Variants in PCDHGB7 observed in about 807,000 individuals in gnomAD.
The protein encoded by PCDHGB7 is protocadherin gamma subfamily B, 7, also known as protocadherin gamma-B7.
Under a neutral mutation model 61.4 loss-of-function variants are expected in PCDHGB7, and 37 were observed. That is an observed-to-expected ratio of 0.60 (90% CI 0.46 to 0.79). PCDHGB7 has a LOEUF of 0.79. Among genes scored for constraint, PCDHGB7 ranks in the 30% least tolerant of loss-of-function variants. The pLI is 0.00. For missense variants in PCDHGB7, 1,166 were observed against 1,202.5 expected (o/e 0.97, Z 0.45); for synonymous variants, 464 against 503.5 (o/e 0.92, Z 1.05).
chr5:141,426,307 A>G (rs958090236), intron 1 of PCDHGB7: 2 of 172,782 alleles, frequency 1.2e-5, no homozygotes, highest in African/African-American at 4.7e-5. Context: ...GGTGAAGCAG[A>G]GAAGCAGGAC....
chr5:141,437,030 A>G (rs1246601314), intron 1 of PCDHGB7, among the ~76,000 whole-genome samples: 1 of 152,248 alleles, frequency 6.6e-6, no homozygotes, highest in Non-Finnish European at 1.5e-5. Context: ...CAGAAAATGG[A>G]TCACCGAAAC....
chr5:141,501,302 C>T (rs886901737), intron 2 of PCDHGB7, among the ~76,000 whole-genome samples: 14 of 151,156 alleles, frequency 9.3e-5, no homozygotes, highest in African/African-American at 2.9e-4. Flanking sequence ...CACACACACA[C>T]ACACACACAC....
At position 141,486,108 on chromosome 5, in the gene PCDHGB7, G is replaced by A. The variant is rs1184123075; in HGVS notation, c.2416-8699G>A. ...CTTTTGGGGCCCCTAGACTTTGAGA[G>A]TGAGAATTACTATGAATTTGATGTG... On this transcript the variant is annotated intron_variant, in intron 1 of 3. Coordinates refer to ENST00000398594, the MANE Select transcript of PCDHGB7 (RefSeq NM_018927.4). The surrounding 1 kb of genome is among the most constrained non-coding windows in gnomAD (Gnocchi z 5.0). 6 of 1,614,206 alleles carry A rather than the reference G, an allele frequency of 3.7e-6. No individual in the cohort carries two copies. Among genetic ancestry groups the A allele is most frequent in the South Asian group, 3.3e-5 (3 of 91,084 alleles).
At chr5:141,478,519 G>A in intron 1 of PCDHGB7, 2 of 1,610,728 alleles carry the variant, frequency 1.2e-6, no homozygotes, top group Non-Finnish European at 1.7e-6. Context: ...GGCAGGTGTT[G>A]GGTGCAGAGA....
In PCDHGB7 at chr5:141,477,116, G is replaced by A. The variant is rs771557201; in HGVS notation, c.2416-17691G>A. ...AGACAAGGGCGCCAATCCCGAAGGA[G>A]CACATTGCAAAGTGTTGGTGGAGGT... On this transcript the variant is annotated intron_variant, in intron 1 of 3. Transcript: ENST00000398594. This position sits in a 1 kb window ranked among gnomAD's most constrained non-coding sequence, Gnocchi z 4.9. 1 of 1,614,252 alleles carries A rather than the reference G, an allele frequency of 6.2e-7. No homozygotes were observed. The highest frequency in any genetic ancestry group is 8.5e-7 in the Non-Finnish European group (1 of 1,180,052).
chr5:141,503,894 T>C (rs898125492), intron 2 of PCDHGB7, among the ~76,000 whole-genome samples: 2 of 152,144 alleles, frequency 1.3e-5, no homozygotes, highest in African/African-American at 4.8e-5. Flanking sequence ...CATGACAAAA[T>C]ATGCACACAC....
At chr5:141,430,986 C>G (rs549700048) in intron 1 of PCDHGB7, 1 of 1,613,762 alleles carries the variant, frequency 6.2e-7, no homozygotes, top group African/African-American at 1.3e-5. Context: ...CAGCTTTTCG[C>G]CCTGAATCCG....
At chr5:141,461,190 T>C (rs2099010725) in intron 1 of PCDHGB7, among the ~76,000 whole-genome samples, 1 of 152,142 alleles carries the variant, frequency 6.6e-6, no homozygotes, top group Non-Finnish European at 1.5e-5. Context: ...TAGATCTGTT[T>C]TTTGCTCTTT....
intron 1 of PCDHGB7, among the ~76,000 whole-genome samples, chr5:141,425,504 T>A (rs1049969153): frequency 2.6e-5 from 4 of 152,260 alleles, no homozygotes; most frequent in Non-Finnish European, 5.9e-5. Flanking sequence ...TACCTTTATA[T>A]TCTCTTTATG....
intron 1 of PCDHGB7, among the ~76,000 whole-genome samples, chr5:141,456,714 C>T (rs1456452530): frequency 6.6e-6 from 1 of 152,176 alleles, no homozygotes; most frequent in Non-Finnish European, 1.5e-5. Flanking sequence ...CCTGTAATCC[C>T]AGCACTTTGG....
chr5:141,478,148 C>T lies in PCDHGB7; in HGVS notation c.2416-16659C>T, dbSNP rs752958567. ...CTCTCCTGAAGCCCGAGCCGAGTTC[C>T]CCTCTGGCTCTGCCCCCCGGGAGCA... On this transcript the variant is annotated intron_variant, in intron 1 of 3. Coordinates refer to ENST00000398594, the MANE Select transcript of PCDHGB7 (RefSeq NM_018927.4). 3.1e-6 allele frequency: 5 copies of T among 1,613,948 alleles called. No homozygotes were observed. The highest frequency in any genetic ancestry group is 1.6e-4 in the Middle Eastern group (1 of 6,082).
chr5:141,446,988 C>T (rs548721486), intron 1 of PCDHGB7, among the ~76,000 whole-genome samples: 1 of 152,154 alleles, frequency 6.6e-6, no homozygotes, highest in Non-Finnish European at 1.5e-5. Flanking sequence ...TCATACTCCA[C>T]TCTTCAGACT....
intron 1 of PCDHGB7, chr5:141,422,741 A>G (rs1319821802): frequency 6.2e-7 from 1 of 1,610,084 alleles, no homozygotes; most frequent in Non-Finnish European, 8.5e-7. Flanking sequence ...CTGTCCTCCT[A>G]TGTCTCTATT....
chr5:141,422,539 C>G, intron 1 of PCDHGB7: 1 of 1,613,994 alleles, frequency 6.2e-7, no homozygotes, highest in Non-Finnish European at 8.5e-7. Flanking sequence ...TGCAGAAACT[C>G]ATGTCTGGCT....
chr5:141,457,798 C>T (rs1233396158), intron 1 of PCDHGB7, among the ~76,000 whole-genome samples: 5 of 152,194 alleles, frequency 3.3e-5, no homozygotes, highest in African/African-American at 9.6e-5. Context: ...GTTATCCTCT[C>T]CTCTTGAGGT....
Position 141,432,147 on chromosome 5 carries a change from A to G in PCDHGB7, c.2415+11873A>G. 6.2e-7 allele frequency: 1 copy of G among 1,614,066 alleles called. No individual in the cohort carries two copies. The highest frequency in any genetic ancestry group is 8.5e-7 in the Non-Finnish European group (1 of 1,179,998). ...GCCTCCTATTCCGCTTATATCCCAG[A>G]GAACAATCCCAGAGGAGTTTCCCTC... On this transcript the variant is annotated intron_variant, in intron 1 of 3. Transcript: ENST00000398594. The surrounding 1 kb of genome is among the most constrained non-coding windows in gnomAD (Gnocchi z 6.0).
At chr5:141,495,269 CGGAGGAGGCG>C (rs2099759953) in intron 2 of PCDHGB7, among the ~76,000 whole-genome samples, 1 of 152,180 alleles carries the variant, frequency 6.6e-6, no homozygotes, top group Non-Finnish European at 1.5e-5. Context: ...AGCATTTGAC[CGGAGGAGGCG>C]GTCCGCACTC....
chr5:141,476,825 G>A lies in PCDHGB7; in HGVS notation c.2416-17982G>A. ...GCCTATTCACATCAAGGTGCTGGACGCGAATGACAATGCGCCTGTCTTCAA... is the reference window on the plus strand; with the variant it reads ...GCCTATTCACATCAAGGTGCTGGACACGAATGACAATGCGCCTGTCTTCAA... On this transcript the variant is annotated intron_variant, in intron 1 of 3. Transcript: ENST00000398594. The surrounding 1 kb of genome is among the most constrained non-coding windows in gnomAD (Gnocchi z 7.6). 6.2e-7 allele frequency: 1 copy of A among 1,613,554 alleles called. No individual in the cohort carries two copies. Among genetic ancestry groups the A allele is most frequent in the East Asian group, 2.2e-5 (1 of 44,870 alleles).
Position 141,491,402 on chromosome 5 carries a change from C to T in PCDHGB7, c.2416-3405C>T. 1 of 1,614,156 alleles carries T rather than the reference C, an allele frequency of 6.2e-7. No individual in the cohort carries two copies. Among genetic ancestry groups the T allele is most frequent in the Non-Finnish European group, 8.5e-7 (1 of 1,180,022 alleles). ...TCAGCGAAGTGCCTTCAGGGAAACG[C>T]AGACGGGGACGGGGGTGGAGGGCAG... On this transcript the variant is annotated intron_variant, in intron 1 of 3. Transcript: ENST00000398594. The surrounding 1 kb of genome is among the most constrained non-coding windows in gnomAD (Gnocchi z 6.9).
Sources: allele counts gnomAD v4.1 joint callset (sites outside exome capture counted in the v4.1 genomes callset), GRCh38; gene constraint gnomAD v4.1.1; non-coding constraint Gnocchi (gnomAD v3.1); transcripts MANE v1.5; gene names NCBI Gene and HGNC (gene_info 2026-07-23, HGNC 2026-07-21).